Variants in TARS1 observed in about 807,000 individuals in gnomAD.
TARS1 encodes threonyl-tRNA synthetase 1, also known as threonine--tRNA ligase 1, cytoplasmic.
Under a neutral mutation model 97.7 loss-of-function variants are expected in TARS1, and 57 were observed. That is an observed-to-expected ratio of 0.58 (90% CI 0.47 to 0.73). TARS1 has a LOEUF of 0.73. Among genes scored for constraint, TARS1 ranks in the 30% least tolerant of loss-of-function variants. The probability of loss-of-function intolerance (pLI) is 0.00; values close to 1 mark genes in which losing one functional copy is unlikely to be tolerated. For synonymous variants in TARS1, 312 were observed against 293.7 expected (o/e 1.06, Z -0.64); for missense variants, 806 against 888.3 (o/e 0.91, Z 1.18).
intron 3 of TARS1, among the ~76,000 whole-genome samples, chr5:33,451,272 T>C (rs1019316347): frequency 7.2e-5 from 11 of 152,218 alleles, no homozygotes; most frequent in African/African-American, 2.7e-4. Flanking sequence ...TAACAGGCTA[T>C]TTAAAGATTC....
At chr5:33,452,602 C>A (rs186819454) in intron 3 of TARS1, among the ~76,000 whole-genome samples, 1 of 152,128 alleles carries the variant, frequency 6.6e-6, no homozygotes, top group East Asian at 1.9e-4. Context: ...TTTTTACTCA[C>A]ATTATATGGA....
At chr5:33,465,112 G>T (rs1742472141) in intron 17 of TARS1, among the ~76,000 whole-genome samples, 2 of 152,006 alleles carry the variant, frequency 1.3e-5, no homozygotes, top group Admixed American at 1.3e-4. Context: ...AAAAAATGAA[G>T]TGAACACTAA....
intron 18 of TARS1, 41 bp downstream of exon 18, chr5:33,467,026 A>C: frequency 3.1e-6 from 4 of 1,284,830 alleles, no homozygotes; most frequent in Non-Finnish European, 3.2e-6. Context: ...GCCACACCTC[A>C]GGAAAATCTA....
At chr5:33,445,461 CTT>C in intron 2 of TARS1, 57 bp downstream of exon 2, 1 of 1,415,700 alleles carries the variant, frequency 7.1e-7, no homozygotes. Context: ...TCGCAGGGAA[CTT>C]TCTGAGACTT....
rs527509481 is a variant in TARS1, at chr5:33,461,127, A to C, written c.1414-31A>C. ...GTCAAGAAAGTCAAGGAAAATAACT[A>C]CTGTTTCTTTTTTTGTTTTTTAATT... On this transcript the variant is annotated intron_variant, in intron 12 of 18. Coordinates refer to ENST00000265112, the MANE Select transcript of TARS1 (RefSeq NM_152295.5). 6.9e-6 allele frequency: 11 copies of C among 1,603,218 alleles called. No homozygotes were observed. In the South Asian group the frequency reaches 1.2e-4, roughly 18 times the overall value.
chr5:33,443,484 T>TC (rs1171590158), intron 1 of TARS1, among the ~76,000 whole-genome samples: 2 of 150,480 alleles, frequency 1.3e-5, no homozygotes, highest in Non-Finnish European at 3.0e-5. Context: ...TCTTTTTTTT[T>TC]TTTTTTTTGT....
At chr5:33,449,644 A>G (rs1329527257) in intron 3 of TARS1, among the ~76,000 whole-genome samples, 3 of 151,154 alleles carry the variant, frequency 2.0e-5, no homozygotes, top group East Asian at 3.9e-4. Context: ...TTTAGTAGAG[A>G]CGGGGTTTCA....
In TARS1 at chr5:33,453,580, G is replaced by A. The variant is rs534126094; in HGVS notation, c.453+168G>A. On this transcript the variant is annotated intron_variant, in intron 4 of 18. Coordinates refer to ENST00000265112, the MANE Select transcript of TARS1 (RefSeq NM_152295.5). ...TTTAGGGAACATAATAAAAGTGCTT[G>A]CCTTAGAAAATAAAGGGGTGAAGCT... 1.3e-4 allele frequency among the ~76,000 whole-genome samples: 20 copies of A among 152,144 alleles called. 1 individual carries two copies.
chr5:33,459,226 G>GTTTTGAAGTTGGCATGGATTCT (rs1742176180), intron 10 of TARS1, among the ~76,000 whole-genome samples: 1 of 152,072 alleles, frequency 6.6e-6, no homozygotes, highest in African/African-American at 2.4e-5. Context: ...AGAAACTACT[G>GTTTTGAAGTTGGCATGGATTCT]TTTTGAAGTT....
At position 33,466,873 on chromosome 5, in the gene TARS1, A is replaced by G. The variant is rs764910114; in HGVS notation, c.1911A>G (p.Val637=). 1.3e-6 allele frequency: 2 copies of G among 1,594,090 alleles called. No individual in the cohort carries two copies. Among genetic ancestry groups the G allele is most frequent in the South Asian group, 1.1e-5 (1 of 87,948 alleles). Residue 637 remains valine (V), a splice_region_variant and synonymous_variant, in exon 18 of 19, where the codon GTA becomes GTG. Transcript: ENST00000265112. ...ATTCTGTATCTCTGTTACAATAGGT[A>G]CGACAACAATTCCACGATGCCAAAT... ...GPTCDEYAQK[V]RQQFHDAKFM...
At chr5:33,453,536 A>G in intron 4 of TARS1, 124 bp downstream of exon 4, 1 of 1,271,084 alleles carries the variant, frequency 7.9e-7, no homozygotes, top group Admixed American at 2.4e-5. Context: ...CATATTTGAA[A>G]TCTTCATTTT....
intron 2 of TARS1, 31 bp downstream of exon 2, chr5:33,445,435 A>T (rs752251845): frequency 6.9e-6 from 11 of 1,599,876 alleles, no homozygotes; most frequent in Non-Finnish European, 9.4e-6. Flanking sequence ...GGGCTCTGTT[A>T]TCAGAGGTTG....
intron 1 of TARS1, among the ~76,000 whole-genome samples, chr5:33,442,832 A>G (rs1741180017): frequency 6.6e-6 from 1 of 152,176 alleles, no homozygotes; most frequent in East Asian, 1.9e-4. Context: ...AACGCTGTGA[A>G]GTGGGTTCTG....
At chr5:33,454,040 G>C (rs1222972461) in intron 4 of TARS1, among the ~76,000 whole-genome samples, 1 of 152,112 alleles carries the variant, frequency 6.6e-6, no homozygotes, top group Non-Finnish European at 1.5e-5. Context: ...GAACACTCTA[G>C]CAAGATATGT....
In TARS1 at chr5:33,457,291, T is replaced by A; in HGVS notation, c.872T>A (p.Met291Lys). The change falls in exon 9 of 19, where the codon ATG becomes AAG. Residue 291 changes from methionine (M) to lysine (K), a missense_variant. Physicochemically the swap from Met to Lys is moderately conservative, Grantham distance 95. This residue lies in a region of TARS1 where 356 missense variants were observed against 357.8 expected (regional missense o/e 0.99). Transcript: ENST00000265112. ...ACGTACTGGGAAGGCAAAGCAGATA[T>A]GGAGACTCTCCAGAGAATTTATGGC... ...SSTYWEGKAD[M>K]ETLQRIYGIS... The A allele has an allele frequency of 4.3e-6, 7 of 1,614,208 alleles. No homozygotes were observed. The highest frequency in any genetic ancestry group is 5.9e-6 in the Non-Finnish European group (7 of 1,180,026).
chr5:33,446,991 A>C (rs2111933761), intron 2 of TARS1, among the ~76,000 whole-genome samples: 1 of 152,276 alleles, frequency 6.6e-6, no homozygotes, highest in Middle Eastern at 3.4e-3. Context: ...GGGAATTACA[A>C]AGATATTAGG....
In TARS1 at chr5:33,467,844, C is replaced by T. The variant is rs184121387; in HGVS notation, c.*136C>T. 1.4e-5 allele frequency: 12 copies of T among 869,490 alleles called. No homozygotes were observed. Among genetic ancestry groups the T allele is most frequent in the Middle Eastern group, 2.3e-4 (1 of 4,316 alleles). The allele number at this position is 869,490 out of a possible 1,614,324, so 53.9% of individuals were successfully genotyped here. Reference sequence around the variant, plus strand: ...AAGTCTGAATAGGTCAACCTGCAGGCGTAACTATTTTTGACCTAGTCAGTT... The same window carrying T: ...AAGTCTGAATAGGTCAACCTGCAGGTGTAACTATTTTTGACCTAGTCAGTT... On this transcript the variant is annotated 3_prime_UTR_variant, in exon 19 of 19. Coordinates refer to ENST00000265112, the MANE Select transcript of TARS1 (RefSeq NM_152295.5).
At position 33,453,302 on chromosome 5, in the gene TARS1, G is replaced by A. The variant is rs145788981; in HGVS notation, c.343G>A (p.Asp115Asn). The A allele has an allele frequency of 1.9e-3, 2,836 of 1,498,638 alleles. 2 individuals carry two copies. Among genetic ancestry groups the A allele is most frequent in the Non-Finnish European group, 2.2e-3 (2,480 of 1,106,262 alleles). The allele number at this position is 1,498,638 out of a possible 1,614,324, so 92.8% of individuals were successfully genotyped here. Reference sequence around the variant, plus strand: ...TTTTTTTTTAAGTCAAGGCCTGGCCGACAACACCGTTATTGCTAAAGTAAA... The same window carrying A: ...TTTTTTTTTAAGTCAAGGCCTGGCCAACAACACCGTTATTGCTAAAGTAAA... ...IACGISQGLA[D>N]NTVIAKVNNV... Residue 115 changes from aspartate to asparagine, a missense_variant, in exon 4 of 19, where the codon GAC (aspartate) becomes AAC (asparagine). Physicochemically the swap from Asp to Asn is conservative, Grantham distance 23. Transcript: ENST00000265112.
At chr5:33,442,320 CTTTT>C (rs763508345) in intron 1 of TARS1, among the ~76,000 whole-genome samples, 6 of 104,598 alleles carry the variant, frequency 5.7e-5, no homozygotes, top group African/African-American at 1.4e-4. Flanking sequence ...TGTTTTGTAA[CTTTT>C]TTTTTTTTTT....
Sources: allele counts gnomAD v4.1 joint callset (sites outside exome capture counted in the v4.1 genomes callset), GRCh38; gene constraint gnomAD v4.1.1; regional missense constraint gnomAD v4.1.1; transcripts MANE v1.5; gene names NCBI Gene and HGNC (gene_info 2026-07-23, HGNC 2026-07-21).